The following RAB26 variants were observed in gnomAD, a reference collection of about 807,000 sequenced individuals.
RAB26 encodes RAB26, member RAS oncogene family.
In RAB26, 39 loss-of-function variants were observed where a neutral mutation model predicts 33.1. The observed-to-expected ratio is 1.18, with a 90% CI of 0.91 to 1.54. The LOEUF is 1.54. RAB26 is among the 40% of genes most tolerant of loss of function. RAB26 has a pLI of 0.00. For missense variants in RAB26, 468 were observed against 362.9 expected (o/e 1.29, Z -2.35); for synonymous variants, 192 against 151.9 (o/e 1.26, Z -1.94).
rs775524543 is a variant in RAB26 at position 2,153,384 on chromosome 16, AGAGG to A, written c.740_743del (p.Glu247ValfsTer13). On this transcript the variant is annotated frameshift_variant, in exon 9 of 9. Coordinates refer to ENST00000210187, the MANE Select transcript of RAB26 (RefSeq NM_014353.5). LOFTEE classifies it high-confidence loss of function. Reference sequence around the variant, plus strand: ...CGCTTCCGGCTGCATGATTACGTTAAGAGGGAGGGTCGAGGGGCCTCCTGCTGCC... The same window carrying A: ...CGCTTCCGGCTGCATGATTACGTTAAGAGGGTCGAGGGGCCTCCTGCTGCC... 3 of 1,613,386 alleles carry A rather than the reference AGAGG, an allele frequency of 1.9e-6. No homozygotes were observed. The highest frequency in any genetic ancestry group is 2.7e-5 in the African/African-American group (2 of 74,932).
intron 2 of RAB26, chr16:2,150,994 G>A (rs937043363): frequency 3.3e-5 from 11 of 329,438 alleles, no homozygotes; most frequent in African/African-American, 6.5e-5. Flanking sequence ...ACGTCTAATC[G>A]TTAACTGGGA....
intron 2 of RAB26, 45 bp from the exon 3 acceptor site, chr16:2,151,524 C>T (rs1337038758): frequency 5.0e-6 from 8 of 1,612,466 alleles, no homozygotes; most frequent in Non-Finnish European, 6.8e-6. Flanking sequence ...GGACCAGAGG[C>T]TGGGCTGGGC....
intron 2 of RAB26, chr16:2,151,353 AGCGTAAGAG>A: frequency 1.6e-6 from 1 of 638,552 alleles, no homozygotes; most frequent in South Asian, 1.8e-5. Flanking sequence ...CAAATAAGTC[AGCGTAAGAG>A]GCTCTAAGCA....
intron 2 of RAB26, 46 bp from the exon 3 acceptor site, chr16:2,151,523 G>A: frequency 1.2e-6 from 2 of 1,612,468 alleles, no homozygotes; most frequent in East Asian, 2.2e-5. Context: ...GGGACCAGAG[G>A]CTGGGCTGGG....
intron 1 of RAB26, among the ~76,000 whole-genome samples, 154 bp from the exon 2 acceptor site, chr16:2,149,787 T>G (rs36232): frequency 0.76 from 115,082 of 152,132 alleles, 44,660 homozygotes; most frequent in East Asian, 1. Context: ...TTCAGAGGCA[T>G]ACGCTGGGTG....
In RAB26 at chr16:2,148,630, A is replaced by C; in HGVS notation, c.-154A>C. 10 of 377,420 alleles carry C rather than the reference A, an allele frequency of 2.6e-5. No homozygotes were observed. The highest frequency in any genetic ancestry group is 1.1e-4 in the South Asian group (1 of 8,790). 23.4% of individuals were successfully genotyped at this position (377,420 alleles called of 1,614,324 possible). On this transcript the variant is annotated 5_prime_UTR_variant, in exon 1 of 9. Coordinates refer to ENST00000210187, the MANE Select transcript of RAB26 (RefSeq NM_014353.5). ...CGTGGAGCGGCGGGGGCGGGGCGCG[A>C]GCCGGGCGCCCGGGATGATGCCGCC...
At chr16:2,152,327 A>G (rs1294288114) in intron 5 of RAB26, among the ~76,000 whole-genome samples, 2 of 152,318 alleles carry the variant, frequency 1.3e-5, no homozygotes, top group South Asian at 4.1e-4. Flanking sequence ...GCAGTGAGCC[A>G]AGACTGTGCT....
In RAB26 at chr16:2,153,233, C is replaced by A; in HGVS notation, c.668+11C>A. On this transcript the variant is annotated intron_variant, in intron 8 of 8. Coordinates refer to ENST00000210187, the MANE Select transcript of RAB26 (RefSeq NM_014353.5). The stretch of plus-strand genomic sequence containing the variant: ...CACAGCCATAGCAAAGTAAGTCCTG[C>A]CAGTCACCAGGACTCCCCCAGCCCA... 6.2e-7 allele frequency: 1 copy of A among 1,613,676 alleles called. No homozygotes were observed. Among genetic ancestry groups the A allele is most frequent in the Non-Finnish European group, 8.5e-7 (1 of 1,179,924 alleles).
chr16:2,150,194 G>A, intron 2 of RAB26, 143 bp downstream of exon 2: 1 of 678,500 alleles, frequency 1.5e-6, no homozygotes, highest in Non-Finnish European at 2.4e-6. Flanking sequence ...ACCTGGGCTG[G>A]TGGCTGCACC....
At chr16:2,151,393 G>A (rs113438730) in intron 2 of RAB26, 176 bp from the exon 3 acceptor site, 84 of 759,158 alleles carry the variant, frequency 1.1e-4, no homozygotes, top group African/African-American at 8.1e-4. Flanking sequence ...AGAGGCTGCC[G>A]GGAGAGGCCT....
Position 2,153,632 on chromosome 16 carries a change from C to A in RAB26, c.*211C>A, listed in dbSNP as rs772470440. On this transcript the variant is annotated 3_prime_UTR_variant, in exon 9 of 9. Transcript: ENST00000210187. ...GCCCGTGGCCGCACACTGGCCGCCA[C>A]GGAAAAGCAGTCTTCTGCACGGGAC... is the stretch of plus-strand genomic sequence containing the variant. 2.6e-5 allele frequency: 17 copies of A among 663,680 alleles called. No individual in the cohort carries two copies. The South Asian group carries it at 2.7e-4, about 10-fold the overall frequency. 41.1% of individuals were successfully genotyped at this position (663,680 alleles called of 1,614,324 possible).
rs748903909 is a variant in RAB26 at position 2,153,317 on chromosome 16, AG to A, written c.670del. The A allele has an allele frequency of 1.9e-6, 3 of 1,613,444 alleles. No individual in the cohort carries two copies. Among genetic ancestry groups the A allele is most frequent in the African/African-American group, 2.7e-5 (2 of 75,038 alleles). ...TGTCCCCTTGTCACCCCCACTCCGC[AG>A]GGAGTTGAAGCAGCGCTCCATGAAG... On this transcript the variant is annotated splice_acceptor_variant, in intron 8 of 8. Transcript: ENST00000210187. LOFTEE classifies it high-confidence loss of function.
chr16:2,151,874 A>C lies in RAB26; in HGVS notation c.434A>C (p.Asp145Ala). Residue 145 changes from aspartate (D) to alanine (A), a missense_variant, in exon 5 of 9, where the codon GAT becomes GCT. Coordinates refer to ENST00000210187, the MANE Select transcript of RAB26 (RefSeq NM_014353.5). ...RDAHALLLLY[D>A]VTNKASFDNI... ...TCCCCAGCTCTGCTGCTGCTCTACG[A>C]TGTCACCAACAAGGCCTCCTTTGAC... 6.2e-7 allele frequency: 1 copy of C among 1,614,122 alleles called. No individual in the cohort carries two copies. The highest frequency in any genetic ancestry group is 1.6e-4 in the Middle Eastern group (1 of 6,062).
At chr16:2,152,949 C>T (rs1367733075) in intron 6 of RAB26, 40 bp from the exon 7 acceptor site, 1 of 1,583,178 alleles carries the variant, frequency 6.3e-7, no homozygotes, top group Non-Finnish European at 8.6e-7. Flanking sequence ...CAGGGGCCAA[C>T]CATGGGCCAG....
At position 2,148,827 on chromosome 16, in the gene RAB26, C is replaced by A; in HGVS notation, c.44C>A (p.Pro15His). 1 of 1,416,442 alleles carries A rather than the reference C, an allele frequency of 7.1e-7. No homozygotes were observed. Among genetic ancestry groups the A allele is most frequent in the East Asian group, 3.0e-5 (1 of 33,512 alleles). The allele number at this position is 1,416,442 out of a possible 1,614,324, so 87.7% of individuals were successfully genotyped here. ...KTPKSKGAST[P>H]AASTLPTANG... ...CCCAAGAGCAAAGGGGCCAGCACCCCCGCTGCCTCCACGCTGCCCACCGCC... is the reference window on the plus strand; with the variant it reads ...CCCAAGAGCAAAGGGGCCAGCACCCACGCTGCCTCCACGCTGCCCACCGCC... Residue 15 changes from proline (P) to histidine (H), a missense_variant, in exon 1 of 9, where the codon CCC (proline) becomes CAC (histidine). Physicochemically the swap from Pro to His is moderately conservative, Grantham distance 77. Transcript: ENST00000210187.
chr16:2,151,177 T>C (rs1360917962), intron 2 of RAB26: 4 of 470,872 alleles, frequency 8.5e-6, no homozygotes, highest in African/African-American at 7.9e-5. Context: ...GTGATCATGG[T>C]GGACTGCAAC....
chr16:2,149,192 C>A lies in RAB26; in HGVS notation c.195+214C>A, dbSNP rs531861745. On this transcript the variant is annotated intron_variant, in intron 1 of 8. Transcript: ENST00000210187. ...ACAGCTGGCAGGGCCTGTCCCCCAC[C>A]CCCCAGGCGGCATGGTGGCACAAGG... Among the ~76,000 whole-genome samples the A allele has an allele frequency of 9.0e-4, 137 of 152,290 alleles. 2 individuals carry two copies. In the Middle Eastern group the frequency reaches 0.024, roughly 26 times the overall value.
At position 2,152,993 on chromosome 16, in the gene RAB26, ACT is replaced by A; in HGVS notation, c.542_543del (p.Ser181CysfsTer3). ...AAGACCCTGTGCCTGGGCCAGGTGG[ACT>A]CTGCCCATGAGCGTGTGGTGAAGAG... is the stretch of plus-strand genomic sequence containing the variant. On this transcript the variant is annotated frameshift_variant, in exon 7 of 9. Transcript: ENST00000210187. LOFTEE classifies it high-confidence loss of function. The A allele has an allele frequency of 6.3e-7, 1 of 1,587,716 alleles. No individual in the cohort carries two copies. Among genetic ancestry groups the A allele is most frequent in the Non-Finnish European group, 8.6e-7 (1 of 1,163,342 alleles).
At chr16:2,152,448 G>T (rs2093008141) in intron 5 of RAB26, among the ~76,000 whole-genome samples, 1 of 151,802 alleles carries the variant, frequency 6.6e-6, no homozygotes, top group Non-Finnish European at 1.5e-5. Flanking sequence ...GAGGTGGGCG[G>T]ATCACGAGGT....
Sources: gnomAD v4.1 joint callset for allele counts (sites outside exome capture counted in the v4.1 genomes callset) on GRCh38, gnomAD v4.1.1 for gene constraint, MANE v1.5 for transcripts, NCBI Gene and HGNC (gene_info 2026-07-23, HGNC 2026-07-21) for gene names.